The following MACROD2 variants were observed in gnomAD, a reference collection of about 807,000 sequenced individuals.
MACROD2 encodes the protein ADP-ribose glycohydrolase MACROD2.
In MACROD2, 36 loss-of-function variants were observed where a neutral mutation model predicts 70.4. The observed-to-expected ratio is 0.51, with a 90% CI of 0.39 to 0.68. The LOEUF is 0.68. MACROD2 is among the 30% of genes least tolerant of loss of function. The pLI is 0.00. For synonymous variants in MACROD2, 172 were observed against 178.8 expected, an observed-to-expected ratio of 0.96 and a Z score of 0.30; for missense variants, 496 against 538.4, an observed-to-expected ratio of 0.92 and a Z score of 0.78.
chr20:14,949,104 A>G (rs886520592), intron 5 of MACROD2, among the ~76,000 whole-genome samples: 4 of 152,168 alleles, frequency 2.6e-5, no homozygotes, highest in South Asian at 4.1e-4. Context: ...AAGTACAACC[A>G]TCAGAATTAT....
At chr20:14,199,054 A>C in intron 3 of MACROD2, among the ~76,000 whole-genome samples, 1 of 147,566 alleles carries the variant, frequency 6.8e-6, no homozygotes, top group East Asian at 2.0e-4. Flanking sequence ...CCCCCTCACT[A>C]CTCTTTCTTT....
In MACROD2 at chr20:15,064,765, T is replaced by C. The variant is rs191643300; in HGVS notation, c.419-165175T>C. Among the ~76,000 whole-genome samples, 491 of 152,276 alleles carry C rather than the reference T, an allele frequency of 3.2e-3. 12 individuals carry two copies. The highest frequency in any genetic ancestry group is 0.011 in the African/African-American group (455 of 41,564). On this transcript the variant is annotated intron_variant, in intron 5 of 17. Coordinates refer to ENST00000684519, the MANE Select transcript of MACROD2 (RefSeq NM_001351661.2). ...TTCACAAGATCCCAAGCCTTATAGA[T>C]TCCATTACACTCCGCAAAACGGCAC...
At chr20:14,173,536 A>T (rs1296171572) in intron 3 of MACROD2, among the ~76,000 whole-genome samples, 1 of 152,138 alleles carries the variant, frequency 6.6e-6, no homozygotes, top group Non-Finnish European at 1.5e-5. Flanking sequence ...TATTTTTAAA[A>T]TTAAATTTAT....
chr20:14,425,738 C>T (rs1254721742), intron 3 of MACROD2, among the ~76,000 whole-genome samples: 1 of 152,154 alleles, frequency 6.6e-6, no homozygotes, highest in African/African-American at 2.4e-5. Context: ...TGTCCCCTCA[C>T]CGTTACCCTG....
intron 15 of MACROD2, among the ~76,000 whole-genome samples, chr20:16,019,841 T>C (rs1042950078): frequency 1.3e-5 from 2 of 152,014 alleles, no homozygotes; most frequent in Non-Finnish European, 2.9e-5. Context: ...CAGAGGAGGG[T>C]AGGGCACATA....
At chr20:16,034,744 T>C (rs2067200161) in intron 15 of MACROD2, among the ~76,000 whole-genome samples, 1 of 151,832 alleles carries the variant, frequency 6.6e-6, no homozygotes, top group Admixed American at 6.6e-5. Flanking sequence ...ATTTGTGAGA[T>C]CCTGGTGCAC....
rs1219742135 is a variant in MACROD2, at chr20:15,398,725, G to T, written c.541-32680G>T. Among the ~76,000 whole-genome samples, 3 of 152,232 alleles carry T rather than the reference G, an allele frequency of 2.0e-5. No individual in the cohort carries two copies. The East Asian group carries it at 5.8e-4, about 29-fold the overall frequency. On this transcript the variant is annotated intron_variant, in intron 6 of 17. Transcript: ENST00000684519. ...CATTGTGTTGGTTGTGGCTTCATGG[G>T]GACAGGATGGCTGCTGCAGTTCCAG...
chr20:14,371,933 C>T (rs58598158), intron 3 of MACROD2, among the ~76,000 whole-genome samples: 4 of 151,924 alleles, frequency 2.6e-5, no homozygotes, highest in Non-Finnish European at 5.9e-5. Context: ...TTAGCTCCCC[C>T]CAACCCCTCT....
intron 3 of MACROD2, among the ~76,000 whole-genome samples, chr20:14,115,014 T>C (rs1362860647): frequency 6.6e-6 from 1 of 152,124 alleles, no homozygotes; most frequent in East Asian, 1.9e-4. Flanking sequence ...GTCCTTTCAT[T>C]TTTACCTTTG....
At chr20:15,038,907 C>T (rs370035867) in intron 5 of MACROD2, among the ~76,000 whole-genome samples, 10 of 152,108 alleles carry the variant, frequency 6.6e-5, no homozygotes, top group East Asian at 3.9e-4. Flanking sequence ...ACAAATATAC[C>T]GGCAAAGAAT....
chr20:16,017,349 A>G (rs1449938739), intron 15 of MACROD2, among the ~76,000 whole-genome samples: 1 of 152,236 alleles, frequency 6.6e-6, no homozygotes, highest in Non-Finnish European at 1.5e-5. Context: ...GGACCTAGAC[A>G]GTATCTGACA....
intron 5 of MACROD2, among the ~76,000 whole-genome samples, chr20:14,848,913 A>G (rs2073170669): frequency 6.6e-6 from 1 of 152,096 alleles, no homozygotes; most frequent in Non-Finnish European, 1.5e-5. Flanking sequence ...TGGCAATCAC[A>G]TGGATACTCC....
At chr20:15,230,929 G>A (rs899906970) in intron 6 of MACROD2, among the ~76,000 whole-genome samples, 2 of 152,008 alleles carry the variant, frequency 1.3e-5, no homozygotes, top group East Asian at 1.9e-4. Flanking sequence ...CTGAAATTGT[G>A]GGGCAGAAAA....
intron 8 of MACROD2, among the ~76,000 whole-genome samples, chr20:15,576,055 G>A (rs2048443224): frequency 6.6e-6 from 1 of 152,070 alleles, no homozygotes; most frequent in African/African-American, 2.4e-5. Flanking sequence ...TGCCATACGA[G>A]TAACAACCAT....
intron 8 of MACROD2, among the ~76,000 whole-genome samples, chr20:15,585,632 G>C (rs2048588974): frequency 6.6e-6 from 1 of 152,116 alleles, no homozygotes; most frequent in South Asian, 2.1e-4. Context: ...CCCAGGGATG[G>C]GATCATTCTG....
intron 10 of MACROD2, among the ~76,000 whole-genome samples, chr20:15,890,458 T>C (rs923729919): frequency 7.2e-5 from 11 of 152,172 alleles, no homozygotes; most frequent in African/African-American, 2.2e-4. Flanking sequence ...CTTTGCCCAT[T>C]GTATGAATCC....
At chr20:15,835,440 A>G (rs955749354) in intron 8 of MACROD2, among the ~76,000 whole-genome samples, 7 of 152,102 alleles carry the variant, frequency 4.6e-5, no homozygotes, top group Non-Finnish European at 1.0e-4. Flanking sequence ...AGTAACAGCT[A>G]TTGGCATTAT....
At chr20:15,862,695 G>C (rs748972740) in intron 8 of MACROD2, 50 bp from the exon 9 acceptor site, 6 of 1,460,938 alleles carry the variant, frequency 4.1e-6, no homozygotes, top group Non-Finnish European at 5.7e-6. Context: ...TCCTGGCAGG[G>C]CAATTGCCAT....
chr20:15,489,523 G>C (rs1462569280), intron 7 of MACROD2, among the ~76,000 whole-genome samples: 1 of 152,078 alleles, frequency 6.6e-6, no homozygotes, highest in Non-Finnish European at 1.5e-5. Context: ...GAGATTCCTT[G>C]GGCCCCACAC....
Sources: allele counts gnomAD v4.1 joint callset (sites outside exome capture counted in the v4.1 genomes callset), GRCh38; gene constraint gnomAD v4.1.1; transcripts MANE v1.5; gene names NCBI Gene and HGNC (gene_info 2026-07-23, HGNC 2026-07-21).